Variants in CLDN14 observed in about 807,000 individuals in gnomAD.
The protein encoded by CLDN14 is claudin 14.
In CLDN14, 2 loss-of-function variants were observed where a neutral mutation model predicts 2.1. That is an observed-to-expected ratio of 0.96 (90% CI 0.39 to 3.01). The LOEUF (loss-of-function observed/expected upper bound fraction) is 3.01. Ranked by LOEUF, CLDN14 falls within the 30% of genes most tolerant of loss-of-function variation. The probability of loss-of-function intolerance (pLI) is 0.09; values close to 1 mark genes in which losing one functional copy is unlikely to be tolerated. For missense variants in CLDN14, 298 were observed against 328.0 expected, an observed-to-expected ratio of 0.91 and a Z score of 0.71; for synonymous variants, 136 against 154.4, an observed-to-expected ratio of 0.88 and a Z score of 0.88.
intron 2 of CLDN14, among the ~76,000 whole-genome samples, chr21:36,490,659 G>A (rs1194651372): frequency 1.3e-5 from 2 of 151,458 alleles, no homozygotes; most frequent in East Asian, 3.9e-4. Context: ...AAAGTGCTGG[G>A]ATTACAGGTG....
In CLDN14 at chr21:36,551,831, C is replaced by G. The variant is rs1449904982; in HGVS notation, c.-220+24580G>C. Among the ~76,000 whole-genome samples the G allele has an allele frequency of 6.6e-6, 1 of 152,160 alleles. No homozygotes were observed. The highest frequency in any genetic ancestry group is 1.5e-5 in the Non-Finnish European group (1 of 68,032). On this transcript the variant is annotated intron_variant, in intron 1 of 2. Coordinates refer to the CLDN14 transcript ENST00000342108. The surrounding 1 kb of genome is among the most constrained non-coding windows in gnomAD (Gnocchi z 4.8). ...CAGACAGCAACTCATTGCAACTGCT[C>G]CTGTCCTGTCGGTCGAGAGGAGAGT...
In CLDN14 at chr21:36,555,806, A is replaced by AGTGTGT. The variant is rs142473999; in HGVS notation, c.-220+20599_-220+20604dup. On this transcript the variant is annotated intron_variant, in intron 1 of 2. Transcript: ENST00000342108. ...TTCTACTCCCGATTTTCTATAGGTC[A>AGTGTGT]GTGTGTGTGTGTGTGTGTGTGTGTG... Among the ~76,000 whole-genome samples the AGTGTGT allele has an allele frequency of 2.2e-3, 311 of 143,432 alleles. 3 individuals carry two copies. The highest frequency in any genetic ancestry group is 6.6e-3 in the African/African-American group (250 of 37,974). 94.1% of individuals were successfully genotyped at this position (143,432 alleles called of 152,430 possible). A position where few individuals can be genotyped will look rare whatever the true frequency, so the allele number is the denominator to read the frequency against.
chr21:36,489,128 A>AAAT (rs1555847039), intron 2 of CLDN14, among the ~76,000 whole-genome samples: 1 of 101,684 alleles, frequency 9.8e-6, no homozygotes, highest in East Asian at 3.0e-4. Context: ...AAAAAAAAAA[A>AAAT]AAAATATATA....
At chr21:36,472,478 A>G (rs76720201) in intron 1 of CLDN14, among the ~76,000 whole-genome samples, 2,309 of 152,306 alleles carry the variant, frequency 0.015, 70 homozygotes, top group African/African-American at 0.053. Context: ...GTGCCCAGAT[A>G]TATGATTGAA....
intron 1 of CLDN14, among the ~76,000 whole-genome samples, chr21:36,538,106 C>T (rs769948001): frequency 1.3e-4 from 20 of 152,108 alleles, no homozygotes; most frequent in Non-Finnish European, 2.4e-4. Context: ...TTGTACTATG[C>T]TTCTATCTTT....
intron 2 of CLDN14, among the ~76,000 whole-genome samples, chr21:36,489,725 C>T (rs185138572): frequency 2.6e-5 from 4 of 152,340 alleles, no homozygotes; most frequent in African/African-American, 9.6e-5. Context: ...AGCACGTCTG[C>T]ATAGACTGTT....
intron 1 of CLDN14, among the ~76,000 whole-genome samples, chr21:36,523,694 G>A (rs1568868757): frequency 6.7e-6 from 1 of 149,378 alleles, no homozygotes; most frequent in Non-Finnish European, 1.5e-5. Flanking sequence ...GTTGCAGTGA[G>A]CCGAGACTTT....
chr21:36,547,206 A>G (rs907835981), intron 1 of CLDN14, among the ~76,000 whole-genome samples: 2 of 152,198 alleles, frequency 1.3e-5, no homozygotes, highest in African/African-American at 4.8e-5. Context: ...TATTCATGGT[A>G]TACACGCTGG....
intron 2 of CLDN14, chr21:36,487,120 A>G (rs140549895): frequency 0.03 from 6,212 of 208,028 alleles, 224 homozygotes; most frequent in African/African-American, 0.1. Context: ...AAGTAGCTGG[A>G]ACTACAGGCG....
At chr21:36,489,131 A>AAAAAAATATATATATATATAT in intron 2 of CLDN14, among the ~76,000 whole-genome samples, 2 of 62,748 alleles carry the variant, frequency 3.2e-5, no homozygotes, top group African/African-American at 1.2e-4. Context: ...AAAAAAAAAA[A>AAAAAAATATATATATATATAT]ATATATATAT....
chr21:36,547,241 G>A (rs1467254798), intron 1 of CLDN14, among the ~76,000 whole-genome samples: 1 of 152,074 alleles, frequency 6.6e-6, no homozygotes, highest in Non-Finnish European at 1.5e-5. Flanking sequence ...ACTAGTTGAC[G>A]GTGGTTGTCT....
intron 2 of CLDN14, among the ~76,000 whole-genome samples, chr21:36,509,067 A>G (rs2087159951): frequency 6.6e-6 from 1 of 152,230 alleles, no homozygotes; most frequent in African/African-American, 2.4e-5. Flanking sequence ...GTAAATATTG[A>G]AAGAATATAT....
At chr21:36,495,757 C>A (rs2087010593) in intron 2 of CLDN14, among the ~76,000 whole-genome samples, 1 of 152,180 alleles carries the variant, frequency 6.6e-6, no homozygotes, top group Non-Finnish European at 1.5e-5. Flanking sequence ...AACCTCAGAA[C>A]GTGACCTTAT....
chr21:36,532,511 G>C (rs1404847551), intron 1 of CLDN14: 3 of 151,922 alleles, frequency 2.0e-5, no homozygotes, highest in African/African-American at 7.3e-5. Flanking sequence ...ACGAGTTAAC[G>C]GGTGCAGCAC....
intron 1 of CLDN14, among the ~76,000 whole-genome samples, chr21:36,545,571 G>A (rs2087520944): frequency 6.6e-6 from 1 of 152,132 alleles, no homozygotes; most frequent in African/African-American, 2.4e-5. Flanking sequence ...GCCTAAGTCT[G>A]CAAACATTTG....
intron 1 of CLDN14, among the ~76,000 whole-genome samples, chr21:36,517,003 C>T (rs1273149734): frequency 6.6e-6 from 1 of 152,122 alleles, no homozygotes; most frequent in Non-Finnish European, 1.5e-5. Context: ...CCACGCCTGG[C>T]TAATTTTAGT....
chr21:36,546,598 AC>A (rs2087527338), intron 1 of CLDN14, among the ~76,000 whole-genome samples: 2 of 152,156 alleles, frequency 1.3e-5, no homozygotes, highest in South Asian at 4.2e-4. Context: ...TCAAGCACTT[AC>A]CTTTTTTATT....
intron 2 of CLDN14, among the ~76,000 whole-genome samples, chr21:36,489,131 A>AAAATATATATATATATAT: frequency 3.2e-5 from 2 of 62,750 alleles, no homozygotes; most frequent in African/African-American, 1.2e-4. Flanking sequence ...AAAAAAAAAA[A>AAAATATATATATATATAT]ATATATATAT....
chr21:36,540,111 TGTGTGTG>T (rs980360864), intron 1 of CLDN14, among the ~76,000 whole-genome samples: 14 of 150,958 alleles, frequency 9.3e-5, no homozygotes, highest in East Asian at 5.9e-4. Flanking sequence ...GTGAAGTGAG[TGTGTGTG>T]GTGTGTGGTG....
Sources: allele counts gnomAD v4.1 joint callset (sites outside exome capture counted in the v4.1 genomes callset), GRCh38; gene constraint gnomAD v4.1.1; non-coding constraint Gnocchi (gnomAD v3.1); transcripts MANE v1.5; gene names NCBI Gene and HGNC (gene_info 2026-07-23, HGNC 2026-07-21).